Variants in RFTN2 observed in about 807,000 individuals in gnomAD.
RFTN2 encodes the protein raftlin family member 2.
RFTN2 carries 34 observed loss-of-function variants against 52.7 expected under a neutral mutation model. That is an observed-to-expected ratio of 0.64 (90% CI 0.49 to 0.86). The LOEUF is 0.86. RFTN2 is among the 40% of genes least tolerant of loss of function. The pLI is 0.00. For synonymous variants in RFTN2, 203 were observed against 217.7 expected (o/e 0.93, Z 0.59); for missense variants, 536 against 600.1 (o/e 0.89, Z 1.12).
chr2:197,599,792 CT>C (rs2087853007), intron 7 of RFTN2, among the ~76,000 whole-genome samples: 1 of 152,170 alleles, frequency 6.6e-6, no homozygotes, highest in South Asian at 2.1e-4. Context: ...CCTATCCCTC[CT>C]GTGGTGTGAA....
intron 7 of RFTN2, among the ~76,000 whole-genome samples, chr2:197,597,160 A>G (rs923729806): frequency 2.6e-5 from 4 of 152,210 alleles, no homozygotes; most frequent in African/African-American, 4.8e-5. Flanking sequence ...GATACCACTG[A>G]ATTTTGAGAA....
chr2:197,619,376 C>T (rs551506430), intron 5 of RFTN2, among the ~76,000 whole-genome samples: 21 of 152,254 alleles, frequency 1.4e-4, no homozygotes, highest in African/African-American at 5.1e-4. Flanking sequence ...ACATGGGAGA[C>T]TTTTCATTTT....
At chr2:197,586,974 C>G (rs2087609773) in intron 8 of RFTN2, among the ~76,000 whole-genome samples, 1 of 152,188 alleles carries the variant, frequency 6.6e-6, no homozygotes, top group Admixed American at 6.5e-5. Context: ...AGTAATTATG[C>G]TGAACCCCCT....
chr2:197,609,786 A>C (rs1444852634), intron 7 of RFTN2, among the ~76,000 whole-genome samples: 2 of 152,138 alleles, frequency 1.3e-5, no homozygotes, highest in Non-Finnish European at 2.9e-5. Flanking sequence ...TCTTGAGTTA[A>C]TTTTTGTATA....
chr2:197,617,076 G>T (rs557523116), intron 6 of RFTN2, among the ~76,000 whole-genome samples: 1 of 152,314 alleles, frequency 6.6e-6, no homozygotes, highest in African/African-American at 2.4e-5. Flanking sequence ...TATTTGGCCT[G>T]GCGAGAGAGA....
intron 1 of RFTN2, among the ~76,000 whole-genome samples, chr2:197,652,176 C>T (rs906200160): frequency 1.3e-5 from 2 of 152,160 alleles, no homozygotes; most frequent in Non-Finnish European, 2.9e-5. Context: ...CATGGCTGGA[C>T]AACCCAGAGT....
At chr2:197,607,457 G>A (rs150586571) in intron 7 of RFTN2, among the ~76,000 whole-genome samples, 5,542 of 146,552 alleles carry the variant, frequency 0.038, 332 homozygotes, top group African/African-American at 0.13. Context: ...TTGTGCACAT[G>A]TGCCCTAAAA....
In RFTN2 at chr2:197,572,220, C is replaced by T. The variant is rs780984873; in HGVS notation, c.1294G>A (p.Gly432Arg). 12 of 1,614,222 alleles carry T rather than the reference C, an allele frequency of 7.4e-6. No individual in the cohort carries two copies. In the East Asian group the frequency reaches 1.1e-4, roughly 15 times the overall value. ...DKNKATSRSI[G>R]LDTTSSQPAE... ...GGTTGTGACGAGGTTGTGTCTAATC[C>T]GATGCTTCTACTAGTGGCTTTATTC... The change falls in exon 9 of 9, where the codon GGA becomes AGA. Residue 432 changes from glycine to arginine, a missense_variant. Physicochemically the swap from Gly to Arg is moderately radical, Grantham distance 125 (BLOSUM62 -2). Transcript: ENST00000295049.
rs925358820 is a variant in RFTN2, at chr2:197,570,595, C to A, written c.*1413G>T. 1 of 152,134 alleles carries A rather than the reference C, an allele frequency of 6.6e-6. No homozygotes were observed. The highest frequency in any genetic ancestry group is 2.1e-4 in the South Asian group (1 of 4,828). The allele number at this position is 152,134 out of a possible 1,614,324, so 9.4% of individuals were successfully genotyped here. ...TACAAAAATTAGCTGGGCGTGGTGG[C>A]GCACACTGGCTGTAGTTCCAGCTAA... On this transcript the variant is annotated 3_prime_UTR_variant, in exon 9 of 9. Coordinates refer to ENST00000295049, the MANE Select transcript of RFTN2 (RefSeq NM_144629.3).
At chr2:197,658,008 A>G (rs2088917345) in intron 1 of RFTN2, among the ~76,000 whole-genome samples, 1 of 152,148 alleles carries the variant, frequency 6.6e-6, no homozygotes, top group Non-Finnish European at 1.5e-5. Context: ...CTATAGAGTC[A>G]GGAATTTTCA....
At chr2:197,630,868 A>C in intron 5 of RFTN2, 143 bp downstream of exon 5, 1 of 649,526 alleles carries the variant, frequency 1.5e-6, no homozygotes, top group East Asian at 2.8e-5. Context: ...AAAGCTACAT[A>C]TCTGTGTAAC....
intron 1 of RFTN2, among the ~76,000 whole-genome samples, chr2:197,669,217 GTCTTATGTTTCACTGCTATCTTCTT>G (rs1442586737): frequency 7.9e-5 from 12 of 152,328 alleles, no homozygotes; most frequent in African/African-American, 2.9e-4. Flanking sequence ...AACTCCTGAA[GTCTTATGTTTCACTGCTATCTTCTT>G]AATATGCTAC....
intron 1 of RFTN2, among the ~76,000 whole-genome samples, chr2:197,665,541 T>TTTTTTTTTTTTC (rs2089041709): frequency 7.1e-6 from 1 of 141,778 alleles, no homozygotes; most frequent in Non-Finnish European, 1.5e-5. Flanking sequence ...TTTACTGTTT[T>TTTTTTTTTTTTC]CGACTTACTG....
At chr2:197,674,557 C>T (rs2089191301) in intron 1 of RFTN2, among the ~76,000 whole-genome samples, 1 of 151,936 alleles carries the variant, frequency 6.6e-6, no homozygotes, top group Non-Finnish European at 1.5e-5. Context: ...ATTTTTACTA[C>T]TTCATAATTA....
intron 5 of RFTN2, among the ~76,000 whole-genome samples, chr2:197,625,268 T>C (rs951582285): frequency 6.6e-6 from 1 of 152,218 alleles, no homozygotes; most frequent in Non-Finnish European, 1.5e-5. Flanking sequence ...GGCACAAGGC[T>C]GAATATCCTG....
At position 197,591,001 on chromosome 2, in the gene RFTN2, C is replaced by G. The variant is rs1014355900; in HGVS notation, c.1233+4990G>C. 6.6e-5 allele frequency among the ~76,000 whole-genome samples: 10 copies of G among 152,296 alleles called. No individual in the cohort carries two copies. The East Asian group carries it at 1.4e-3, about 21-fold the overall frequency. ...GCCTGCTTTTATTCTCTTATCTGGCCCCACCCACATCCTGCTGATTGGTCC... is the reference window on the plus strand; with the variant it reads ...GCCTGCTTTTATTCTCTTATCTGGCGCCACCCACATCCTGCTGATTGGTCC... On this transcript the variant is annotated intron_variant, in intron 8 of 8. Transcript: ENST00000295049.
chr2:197,632,678 G>A (rs2088485820), intron 4 of RFTN2, among the ~76,000 whole-genome samples: 1 of 152,198 alleles, frequency 6.6e-6, no homozygotes. Context: ...GAGAAAAGAG[G>A]AGGGTGGTGG....
chr2:197,587,451 G>A (rs1174517624), intron 8 of RFTN2, among the ~76,000 whole-genome samples: 1 of 152,026 alleles, frequency 6.6e-6, no homozygotes, highest in Non-Finnish European at 1.5e-5. Context: ...GCCATTTCCT[G>A]CCTTAACTGA....
rs184728163 is a variant in RFTN2 at position 197,605,427 on chromosome 2, G to C, written c.1155-9358C>G. Among the ~76,000 whole-genome samples, 817 of 152,136 alleles carry C rather than the reference G, an allele frequency of 5.4e-3. 10 individuals are homozygous for C. The highest frequency in any genetic ancestry group is 0.018 in the African/African-American group (768 of 41,522). The stretch of plus-strand genomic sequence containing the variant: ...AGACGGGGTTTCACTGTGTTAGCCA[G>C]GATGATCTCGATCTCCTGACCTCAT... On this transcript the variant is annotated intron_variant, in intron 7 of 8. Coordinates refer to ENST00000295049, the MANE Select transcript of RFTN2 (RefSeq NM_144629.3).
Sources: gnomAD v4.1 joint callset for allele counts (sites outside exome capture counted in the v4.1 genomes callset) on GRCh38, gnomAD v4.1.1 for gene constraint, MANE v1.5 for transcripts, NCBI Gene and HGNC (gene_info 2026-07-23, HGNC 2026-07-21) for gene names.